Variants in L3MBTL4 observed in about 807,000 individuals in gnomAD.
L3MBTL4 encodes the protein L3MBTL histone methyl-lysine binding protein 4.
A neutral mutation model predicts 84.5 loss-of-function variants in L3MBTL4; 70 were observed. The ratio of observed to expected loss-of-function variants is 0.83; its 90% CI spans 0.68 to 1.01. L3MBTL4 has a LOEUF of 1.01. L3MBTL4 is among the 50% of genes least tolerant of loss of function. The pLI is 0.00. For missense variants in L3MBTL4, 715 were observed against 754.8 expected, an observed-to-expected ratio of 0.95 and a Z score of 0.62; for synonymous variants, 274 against 259.8, an observed-to-expected ratio of 1.05 and a Z score of -0.52.
rs188129236 is a variant in L3MBTL4 at position 6,090,575 on chromosome 18, G to A, written c.1373+2780C>T. Among the ~76,000 whole-genome samples the A allele has an allele frequency of 2.1e-3, 301 of 145,490 alleles. 1 individual carries two copies. The highest frequency in any genetic ancestry group is 7.4e-3 in the African/African-American group (290 of 38,968). On this transcript the variant is annotated intron_variant, in intron 15 of 18. Transcript: ENST00000317931. ...AGTCTGGATATATATAAATATATGT[G>A]TATATATATTATATATATACACACA...
chr18:6,252,434 A>G (rs1160079951), intron 5 of L3MBTL4, among the ~76,000 whole-genome samples: 1 of 152,184 alleles, frequency 6.6e-6, no homozygotes, highest in Admixed American at 6.5e-5. Flanking sequence ...CAAAAAAAAC[A>G]CAGCTATTTA....
At chr18:5,965,765 T>C (rs150574866) in intron 17 of L3MBTL4, among the ~76,000 whole-genome samples, 357 of 152,238 alleles carry the variant, frequency 2.3e-3, no homozygotes, top group Middle Eastern at 6.8e-3. Flanking sequence ...TGTGAGGACA[T>C]GGAAAGAAAT....
intron 1 of L3MBTL4, chr18:6,326,314 A>G (rs1483230563): frequency 6.6e-6 from 1 of 152,276 alleles, no homozygotes; most frequent in Non-Finnish European, 1.5e-5. Flanking sequence ...TCAGACAGAA[A>G]CAAAGTGATC....
At chr18:6,169,574 C>T (rs2043858706) in intron 13 of L3MBTL4, among the ~76,000 whole-genome samples, 1 of 149,882 alleles carries the variant, frequency 6.7e-6, no homozygotes, top group African/African-American at 2.5e-5. Flanking sequence ...CCACCCATCA[C>T]AAGGACAAAA....
At position 6,406,871 on chromosome 18, in the gene L3MBTL4, C is replaced by T. The variant is rs545828084; in HGVS notation, c.-91+7930G>A. On this transcript the variant is annotated intron_variant, in intron 1 of 18. Coordinates refer to ENST00000317931, the MANE Select transcript of L3MBTL4 (RefSeq NM_001330559.2). Reference sequence around the variant, plus strand: ...AAATGTGGGACATCAGAAACCTCTTCATAAGCCATAGCTGGCCTACAGCTA... The same window carrying T: ...AAATGTGGGACATCAGAAACCTCTTTATAAGCCATAGCTGGCCTACAGCTA... 2.8e-4 allele frequency among the ~76,000 whole-genome samples: 42 copies of T among 152,336 alleles called. 1 individual carries two copies. Among genetic ancestry groups the T allele is most frequent in the African/African-American group, 1.0e-3 (42 of 41,578 alleles).
intron 1 of L3MBTL4, among the ~76,000 whole-genome samples, chr18:6,412,878 T>G (rs2056027164): frequency 6.6e-6 from 1 of 152,050 alleles, no homozygotes; most frequent in Admixed American, 6.5e-5. Flanking sequence ...ATATGCAAGC[T>G]TACTTCTCTT....
At position 6,252,906 on chromosome 18, in the gene L3MBTL4, C is replaced by T. The variant is rs549464983; in HGVS notation, c.220-8318G>A. On this transcript the variant is annotated intron_variant, in intron 5 of 18. Coordinates refer to ENST00000317931, the MANE Select transcript of L3MBTL4 (RefSeq NM_001330559.2). ...ACAGTGTCTAAGTCAACTACTTAAG[C>T]CTTAAAACCCCCTGGGGCCGGGTGC... 3.9e-5 allele frequency among the ~76,000 whole-genome samples: 6 copies of T among 152,252 alleles called. No individual in the cohort carries two copies. The South Asian group carries it at 1.2e-3, about 32-fold the overall frequency.
chr18:6,027,148 C>T (rs1265081042), intron 16 of L3MBTL4, among the ~76,000 whole-genome samples: 2 of 152,148 alleles, frequency 1.3e-5, no homozygotes, highest in South Asian at 2.1e-4. Context: ...TTAAGCCCCA[C>T]ATGCATTAGG....
intron 1 of L3MBTL4, among the ~76,000 whole-genome samples, chr18:6,361,302 T>C (rs888703302): frequency 6.6e-6 from 1 of 152,100 alleles, no homozygotes; most frequent in Non-Finnish European, 1.5e-5. Flanking sequence ...CCAGTATAAA[T>C]AGTAATGACA....
At chr18:6,106,283 C>T (rs887561012) in intron 14 of L3MBTL4, among the ~76,000 whole-genome samples, 1 of 152,110 alleles carries the variant, frequency 6.6e-6, no homozygotes. Context: ...GGCACAATGC[C>T]TTGTACATAC....
chr18:6,184,831 C>T (rs1366239339), intron 12 of L3MBTL4, among the ~76,000 whole-genome samples: 3 of 152,168 alleles, frequency 2.0e-5, no homozygotes, highest in African/African-American at 7.2e-5. Flanking sequence ...AGTTGCAAAC[C>T]AAACCCATGT....
chr18:6,321,787 T>A (rs546142190), intron 1 of L3MBTL4, among the ~76,000 whole-genome samples: 1 of 152,198 alleles, frequency 6.6e-6, no homozygotes, highest in South Asian at 2.1e-4. Context: ...CTAAGTGACA[T>A]AACTCAGGAA....
chr18:6,113,583 G>C (rs1348041882), intron 14 of L3MBTL4, among the ~76,000 whole-genome samples: 1 of 151,940 alleles, frequency 6.6e-6, no homozygotes, highest in Non-Finnish European at 1.5e-5. Flanking sequence ...GCTCCTGTAG[G>C]CTCCTTTGAA....
intron 16 of L3MBTL4, among the ~76,000 whole-genome samples, chr18:6,077,434 C>A (rs898816494): frequency 1.3e-5 from 2 of 151,666 alleles, no homozygotes; most frequent in Non-Finnish European, 2.9e-5. Context: ...TATATTATTG[C>A]GATATATGTT....
At chr18:6,050,687 G>A (rs769222904) in intron 16 of L3MBTL4, among the ~76,000 whole-genome samples, 1 of 149,780 alleles carries the variant, frequency 6.7e-6, no homozygotes, top group Non-Finnish European at 1.5e-5. Flanking sequence ...TGAAGTGTAT[G>A]ACTTCCGTTT....
chr18:6,301,326 C>A (rs911540555), intron 4 of L3MBTL4, among the ~76,000 whole-genome samples: 4 of 152,102 alleles, frequency 2.6e-5, no homozygotes, highest in African/African-American at 7.2e-5. Flanking sequence ...TAACAGCTGT[C>A]TCCTTGTGTA....
chr18:6,317,213 G>A (rs552096767), intron 1 of L3MBTL4, among the ~76,000 whole-genome samples: 17 of 152,096 alleles, frequency 1.1e-4, no homozygotes, highest in Middle Eastern at 6.8e-3. Context: ...AAAGCACTAA[G>A]AGCCAAATTA....
chr18:6,327,566 A>G (rs2051793939), intron 1 of L3MBTL4, among the ~76,000 whole-genome samples: 1 of 152,170 alleles, frequency 6.6e-6, no homozygotes, highest in African/African-American at 2.4e-5. Context: ...CACACACATC[A>G]GGTTAAAATG....
At chr18:6,035,262 T>C (rs1317484024) in intron 16 of L3MBTL4, among the ~76,000 whole-genome samples, 1 of 152,162 alleles carries the variant, frequency 6.6e-6, no homozygotes, top group African/African-American at 2.4e-5. Flanking sequence ...GGTTTTCTTC[T>C]AGGGTTTTTA....
Sources: allele counts gnomAD v4.1 joint callset (sites outside exome capture counted in the v4.1 genomes callset), GRCh38; gene constraint gnomAD v4.1.1; transcripts MANE v1.5; gene names NCBI Gene and HGNC (gene_info 2026-07-23, HGNC 2026-07-21).